CNTN5: variants seen among roughly 807,000 people sequenced by gnomAD.
The protein encoded by CNTN5 is contactin-5.
In CNTN5, 77 loss-of-function variants were observed where a neutral mutation model predicts 129.1. The ratio of observed to expected loss-of-function variants is 0.60; its 90% CI spans 0.50 to 0.72. The LOEUF is 0.72. Among genes scored for constraint, CNTN5 ranks in the 30% least tolerant of loss-of-function variants. CNTN5 has a pLI of 0.00. For missense variants in CNTN5, 1,478 were observed against 1,328.8 expected, an observed-to-expected ratio of 1.11 and a Z score of -1.75; for synonymous variants, 509 against 465.6, an observed-to-expected ratio of 1.09 and a Z score of -1.20.
chr11:99,719,955 T>A (rs1943114354), intron 3 of CNTN5, among the ~76,000 whole-genome samples: 1 of 151,996 alleles, frequency 6.6e-6, no homozygotes, highest in Non-Finnish European at 1.5e-5. Flanking sequence ...ACTGGACACA[T>A]ACACTCTCCT....
At chr11:100,275,301 T>C (rs915223525) in intron 18 of CNTN5, among the ~76,000 whole-genome samples, 1 of 152,234 alleles carries the variant, frequency 6.6e-6, no homozygotes, top group Non-Finnish European at 1.5e-5. Context: ...TGTACAGGTG[T>C]TCATTAATTA....
At chr11:100,342,380 G>A (rs1449327374) in intron 23 of CNTN5, among the ~76,000 whole-genome samples, 1 of 152,012 alleles carries the variant, frequency 6.6e-6, no homozygotes, top group Non-Finnish European at 1.5e-5. Flanking sequence ...GACCATTCAG[G>A]AACCAATCTA....
At chr11:99,771,269 C>G (rs1321756207) in intron 3 of CNTN5, among the ~76,000 whole-genome samples, 2 of 151,984 alleles carry the variant, frequency 1.3e-5, no homozygotes, top group Non-Finnish European at 2.9e-5. Context: ...CATAGCTATA[C>G]TACTGTGTTC....
intron 9 of CNTN5, among the ~76,000 whole-genome samples, chr11:100,034,585 A>C (rs2602621): frequency 0.12 from 18,312 of 152,228 alleles, 1,334 homozygotes; most frequent in Middle Eastern, 0.27. Flanking sequence ...AAAGTCTTAC[A>C]AACTGTGCAC....
At chr11:99,646,663 T>A (rs1297785624) in intron 3 of CNTN5, among the ~76,000 whole-genome samples, 2 of 152,190 alleles carry the variant, frequency 1.3e-5, no homozygotes, top group South Asian at 4.1e-4. Flanking sequence ...AAAGAGTGCA[T>A]TTTATTTACT....
At chr11:99,821,962 G>C (rs1410282953) in intron 4 of CNTN5, among the ~76,000 whole-genome samples, 1 of 152,168 alleles carries the variant, frequency 6.6e-6, no homozygotes, top group East Asian at 1.9e-4. Context: ...CATAACTACT[G>C]TTTTCTCTTC....
chr11:99,548,484 G>A lies in CNTN5; in HGVS notation c.-70-7661G>A, dbSNP rs79850278. 4.9e-3 allele frequency among the ~76,000 whole-genome samples: 748 copies of A among 152,274 alleles called. 25 individuals carry two copies. In the East Asian group the frequency reaches 0.095, roughly 19 times the overall value. On this transcript the variant is annotated intron_variant, in intron 2 of 24. Transcript: ENST00000524871. ...ATGAGCTGACTGGAGGTCCATAATTGTATAGCCAATCGCTGGTTGAATGTT... is the reference window on the plus strand; with the variant it reads ...ATGAGCTGACTGGAGGTCCATAATTATATAGCCAATCGCTGGTTGAATGTT...
At chr11:99,699,937 G>C (rs181972504) in intron 3 of CNTN5, among the ~76,000 whole-genome samples, 16 of 151,322 alleles carry the variant, frequency 1.1e-4, no homozygotes, top group Non-Finnish European at 2.2e-4. Flanking sequence ...AGAGCACTTT[G>C]CAAACCCTAA....
At chr11:99,109,136 C>T (rs943858907) in intron 1 of CNTN5, among the ~76,000 whole-genome samples, 2 of 151,140 alleles carry the variant, frequency 1.3e-5, no homozygotes, top group Admixed American at 1.3e-4. Context: ...TGTATATATA[C>T]ATATTTATCT....
intron 8 of CNTN5, among the ~76,000 whole-genome samples, chr11:99,983,629 C>G (rs1200493102): frequency 6.6e-6 from 1 of 152,098 alleles, no homozygotes; most frequent in Non-Finnish European, 1.5e-5. Flanking sequence ...ATCTAGAGCC[C>G]TGAAAGGACT....
intron 13 of CNTN5, among the ~76,000 whole-genome samples, chr11:100,167,336 A>C (rs1947671823): frequency 6.6e-6 from 1 of 151,908 alleles, no homozygotes; most frequent in South Asian, 2.1e-4. Context: ...CAATAGCAAC[A>C]GAGAAAATTG....
At chr11:99,550,702 A>T (rs1484502930) in intron 2 of CNTN5, among the ~76,000 whole-genome samples, 1 of 152,212 alleles carries the variant, frequency 6.6e-6, no homozygotes, top group Non-Finnish European at 1.5e-5. Context: ...TTCACAGAAT[A>T]ACTAACATCC....
chr11:99,748,049 A>T (rs1944113031), intron 3 of CNTN5, among the ~76,000 whole-genome samples: 1 of 152,122 alleles, frequency 6.6e-6, no homozygotes, highest in Non-Finnish European at 1.5e-5. Flanking sequence ...CTTGCATCCC[A>T]GGTCTAAATC....
intron 1 of CNTN5, among the ~76,000 whole-genome samples, chr11:99,264,929 T>C (rs1157448142): frequency 6.6e-6 from 1 of 152,118 alleles, no homozygotes; most frequent in Non-Finnish European, 1.5e-5. Flanking sequence ...GCTAATTTTA[T>C]GTTTTTATAA....
intron 3 of CNTN5, among the ~76,000 whole-genome samples, chr11:99,807,427 A>T (rs1946306624): frequency 6.6e-6 from 1 of 152,204 alleles, no homozygotes; most frequent in Non-Finnish European, 1.5e-5. Flanking sequence ...GGGTTGAAGA[A>T]GTTTTAACAA....
At chr11:99,289,499 G>A (rs1282956383) in intron 1 of CNTN5, among the ~76,000 whole-genome samples, 1 of 151,516 alleles carries the variant, frequency 6.6e-6, no homozygotes, top group Admixed American at 6.6e-5. Flanking sequence ...ACTTAGATGG[G>A]CACCAATACA....
intron 9 of CNTN5, among the ~76,000 whole-genome samples, chr11:100,051,325 G>T (rs1437879113): frequency 1.3e-5 from 2 of 151,946 alleles, no homozygotes; most frequent in South Asian, 2.1e-4. Flanking sequence ...ATTAAATTAT[G>T]TATCAATAAC....
intron 2 of CNTN5, among the ~76,000 whole-genome samples, chr11:99,541,956 C>CAAAAAAAAAAAAAAAAA (rs56363127): frequency 3.5e-4 from 24 of 68,856 alleles, no homozygotes; most frequent in East Asian, 7.9e-4. Context: ...GATCTTGTCT[C>CAAAAAAAAAAAAAAAAA]AAAAAAAAAA....
rs544455165 is a variant in CNTN5, at chr11:100,097,812, T to C, written c.1580+23518T>C. Reference sequence around the variant, plus strand: ...AGATGTTATTAAAAACAGCTATTCATTTTTCATGGAATGAGACAGAATGCA... The same window carrying C: ...AGATGTTATTAAAAACAGCTATTCACTTTTCATGGAATGAGACAGAATGCA... On this transcript the variant is annotated intron_variant, in intron 13 of 24. Transcript: ENST00000524871. Among the ~76,000 whole-genome samples, 5 of 152,216 alleles carry C rather than the reference T, an allele frequency of 3.3e-5. No homozygotes were observed. In the South Asian group the frequency reaches 1.0e-3, roughly 32 times the overall value.
Sources: allele counts gnomAD v4.1 joint callset (sites outside exome capture counted in the v4.1 genomes callset), GRCh38; gene constraint gnomAD v4.1.1; transcripts MANE v1.5; gene names NCBI Gene and HGNC (gene_info 2026-07-23, HGNC 2026-07-21).